CATSPERE: variants seen among roughly 807,000 people sequenced by gnomAD.
CATSPERE encodes catsper channel auxiliary subunit epsilon.
Under a neutral mutation model 114.1 loss-of-function variants are expected in CATSPERE, and 93 were observed. The observed-to-expected ratio is 0.81, with a 90% confidence interval of 0.69 to 0.97. The LOEUF is 0.97. CATSPERE is among the 50% of genes least tolerant of loss of function. The probability of loss-of-function intolerance (pLI) is 0.00; values close to 1 mark genes in which losing one functional copy is unlikely to be tolerated. For synonymous variants in CATSPERE, 341 were observed against 384.1 expected (o/e 0.89, Z 1.31); for missense variants, 1,058 against 1,131.6 (o/e 0.93, Z 0.93).
At chr1:244,494,039 T>C (rs1672674792) in intron 6 of CATSPERE, among the ~76,000 whole-genome samples, 1 of 152,152 alleles carries the variant, frequency 6.6e-6, no homozygotes, top group African/African-American at 2.4e-5. Flanking sequence ...TGGAAGTCAG[T>C]GTGGCGATTC....
At chr1:244,490,504 A>G (rs1312609931) in intron 6 of CATSPERE, 33 bp downstream of exon 6, 2 of 1,208,388 alleles carry the variant, frequency 1.7e-6, no homozygotes, top group South Asian at 1.3e-5. Flanking sequence ...TATAGCCTTC[A>G]TATATCACTA....
At chr1:244,513,136 C>G (rs1468325164) in intron 7 of CATSPERE, among the ~76,000 whole-genome samples, 1 of 152,126 alleles carries the variant, frequency 6.6e-6, no homozygotes, top group Non-Finnish European at 1.5e-5. Context: ...CCCTTGGCAG[C>G]ATTCATTGCA....
At chr1:244,577,300 A>T (rs896659913) in intron 11 of CATSPERE, among the ~76,000 whole-genome samples, 5 of 151,530 alleles carry the variant, frequency 3.3e-5, no homozygotes, top group Non-Finnish European at 7.4e-5. Flanking sequence ...ATAATTACTT[A>T]TTTTAAATAA....
intron 8 of CATSPERE, among the ~76,000 whole-genome samples, chr1:244,519,577 G>A (rs183565141): frequency 8.3e-4 from 126 of 152,232 alleles, no homozygotes; most frequent in African/African-American, 2.4e-3. Flanking sequence ...GTGTGTCTGC[G>A]TGGTCTCAGT....
intron 7 of CATSPERE, among the ~76,000 whole-genome samples, chr1:244,513,109 G>A (rs1436805065): frequency 6.6e-6 from 1 of 152,156 alleles, no homozygotes; most frequent in African/African-American, 2.4e-5. Context: ...GGCCAGATGG[G>A]TGTCAGGTCC....
At chr1:244,532,509 T>C (rs1004156505) in intron 8 of CATSPERE, among the ~76,000 whole-genome samples, 7 of 152,130 alleles carry the variant, frequency 4.6e-5, no homozygotes, top group African/African-American at 1.7e-4. Context: ...GTGTTATGTT[T>C]CTCTTATCAT....
intron 9 of CATSPERE, among the ~76,000 whole-genome samples, chr1:244,553,718 T>A (rs1156367592): frequency 6.6e-6 from 1 of 151,486 alleles, no homozygotes; most frequent in Non-Finnish European, 1.5e-5. Context: ...CTAGAACTTA[T>A]TTCTTCTATC....
intron 5 of CATSPERE, among the ~76,000 whole-genome samples, chr1:244,484,052 T>C (rs1670643860): frequency 6.6e-6 from 1 of 152,232 alleles, no homozygotes; most frequent in African/African-American, 2.4e-5. Flanking sequence ...ACTTATTTAA[T>C]GCATAATCTA....
intron 7 of CATSPERE, among the ~76,000 whole-genome samples, chr1:244,515,917 G>A (rs1359919071): frequency 6.7e-6 from 1 of 150,372 alleles, no homozygotes; most frequent in Admixed American, 6.6e-5. Context: ...AATAATACCA[G>A]GCATGGTGTC....
intron 2 of CATSPERE, among the ~76,000 whole-genome samples, chr1:244,471,678 G>A (rs1380806337): frequency 6.6e-6 from 1 of 152,090 alleles, no homozygotes; most frequent in Admixed American, 6.5e-5. Flanking sequence ...TTGGCTTAGT[G>A]CTTTCAGATT....
chr1:244,477,408 A>G (rs1262099267), intron 2 of CATSPERE, 133 bp from the exon 3 acceptor site: 1 of 630,954 alleles, frequency 1.6e-6, no homozygotes, highest in Non-Finnish European at 2.8e-6. Context: ...ACTTTGTACA[A>G]TTTAAAGGGA....
At chr1:244,499,106 A>G in intron 7 of CATSPERE, 27 bp downstream of exon 7, 1 of 1,528,776 alleles carries the variant, frequency 6.5e-7, no homozygotes, top group Non-Finnish European at 9.1e-7. Context: ...GTATCGTCAT[A>G]GTAAGAACAG....
rs560999829 is a variant in CATSPERE, at chr1:244,574,735, C to T, written c.1950+1963C>T. ...ACATTTGCTTAGGGATGAATAAGGGCGGACTGATGGGTCAGCTCTTGGAAG... is the reference window on the plus strand; with the variant it reads ...ACATTTGCTTAGGGATGAATAAGGGTGGACTGATGGGTCAGCTCTTGGAAG... On this transcript the variant is annotated intron_variant, in intron 11 of 21. Coordinates refer to ENST00000366534, the MANE Select transcript of CATSPERE (RefSeq NM_001130957.2). Among the ~76,000 whole-genome samples, 77 of 152,216 alleles carry T rather than the reference C, an allele frequency of 5.1e-4. 1 individual carries two copies. The highest frequency in any genetic ancestry group is 1.5e-3 in the African/African-American group (61 of 41,520).
At chr1:244,632,144 C>T (rs1206952892) in intron 20 of CATSPERE, among the ~76,000 whole-genome samples, 3 of 151,770 alleles carry the variant, frequency 2.0e-5, no homozygotes, top group African/African-American at 7.3e-5. Context: ...GCCTGTAATC[C>T]CAGCACTTTG....
intron 19 of CATSPERE, 64 bp from the exon 20 acceptor site, chr1:244,617,465 C>A: frequency 8.0e-7 from 1 of 1,253,458 alleles, no homozygotes; most frequent in Non-Finnish European, 1.1e-6. Flanking sequence ...ATAAATGAGA[C>A]TATAATTTTG....
At chr1:244,528,334 A>G (rs145414034) in intron 8 of CATSPERE, among the ~76,000 whole-genome samples, 32 of 152,214 alleles carry the variant, frequency 2.1e-4, no homozygotes, top group African/African-American at 7.7e-4. Context: ...AAATATACAA[A>G]GCAACACTAA....
chr1:244,502,130 A>G (rs371829322), intron 7 of CATSPERE, among the ~76,000 whole-genome samples: 1 of 152,058 alleles, frequency 6.6e-6, no homozygotes, highest in African/African-American at 2.4e-5. Context: ...TTTTGAAACT[A>G]CAGTTTTGAT....
At chr1:244,510,286 T>C (rs1364448051) in intron 7 of CATSPERE, among the ~76,000 whole-genome samples, 1 of 152,204 alleles carries the variant, frequency 6.6e-6, no homozygotes, top group Admixed American at 6.5e-5. Context: ...TTCATTTGCG[T>C]CAAGGAATTT....
chr1:244,555,282 G>A (rs970794670), intron 9 of CATSPERE, among the ~76,000 whole-genome samples: 1 of 151,916 alleles, frequency 6.6e-6, no homozygotes, highest in Non-Finnish European at 1.5e-5. Flanking sequence ...CTACTTGGGA[G>A]GCTGAGGCAG....
Sources: gnomAD v4.1 joint callset for allele counts (sites outside exome capture counted in the v4.1 genomes callset) on GRCh38, gnomAD v4.1.1 for gene constraint, MANE v1.5 for transcripts, NCBI Gene and HGNC (gene_info 2026-07-23, HGNC 2026-07-21) for gene names.